The following SYCP2 variants were observed in gnomAD, a reference collection of about 807,000 sequenced individuals.
SYCP2 encodes synaptonemal complex protein 2.
Under a neutral mutation model 211.3 loss-of-function variants are expected in SYCP2, and 55 were observed. The observed-to-expected ratio is 0.26, with a 90% CI of 0.21 to 0.33. The LOEUF (loss-of-function observed/expected upper bound fraction) is 0.33. Among genes scored for constraint, SYCP2 ranks in the 10% least tolerant of loss-of-function variants. The probability of loss-of-function intolerance (pLI) is 1.00; values close to 1 mark genes in which losing one functional copy is unlikely to be tolerated. For synonymous variants in SYCP2, 570 were observed against 555.2 expected (o/e 1.03, Z -0.37); for missense variants, 1,731 against 1,752.0 (o/e 0.99, Z 0.21).
chr20:59,907,455 A>G, intron 14 of SYCP2, 31 bp from the exon 15 acceptor site: 1 of 1,565,342 alleles, frequency 6.4e-7, no homozygotes, highest in South Asian at 1.2e-5. Context: ...TTGGCCATAA[A>G]TAATTTATTT....
At chr20:59,904,882 G>T (rs1418053717) in intron 15 of SYCP2, among the ~76,000 whole-genome samples, 1 of 152,056 alleles carries the variant, frequency 6.6e-6, no homozygotes. Context: ...GCAAGAGAGG[G>T]AGCAAGAGAG....
At chr20:59,907,597 T>C (rs542324806) in intron 14 of SYCP2, among the ~76,000 whole-genome samples, 173 bp from the exon 15 acceptor site, 81 of 152,348 alleles carry the variant, frequency 5.3e-4, no homozygotes, top group African/African-American at 1.9e-3. Flanking sequence ...ACACATGTTA[T>C]ATTTAATGTA....
chr20:59,865,826 G>C lies in SYCP2; in HGVS notation c.4360C>G (p.Gln1454Glu), dbSNP rs2059321256. The change falls in exon 42 of 45, where the codon CAA (glutamine) becomes GAA (glutamate). Residue 1454 changes from glutamine to glutamate, a missense_variant. By Grantham distance (29) the Gln-to-Glu change is conservative. Around this residue, in one of 3 missense-constraint regions of SYCP2, gnomAD observed 1,387 missense variants for 1,351.3 expected, o/e 1.03. Coordinates refer to ENST00000357552, the MANE Select transcript of SYCP2 (RefSeq NM_014258.4). Reference sequence around the variant, plus strand: ...ACTAACCTCTGTTGTTCGCTTTTTTGATATGCACTGAACTTCTGAAATATC... The same window carrying C: ...ACTAACCTCTGTTGTTCGCTTTTTTCATATGCACTGAACTTCTGAAATATC... ...EKIFQKFSAY[Q>E]KSEQQRLHLL... The C allele has an allele frequency of 1.4e-6, 2 of 1,439,304 alleles. No homozygotes were observed. The highest frequency in any genetic ancestry group is 9.3e-7 in the Non-Finnish European group (1 of 1,075,974). 89.2% of individuals were successfully genotyped at this position (1,439,304 alleles called of 1,614,324 possible). A position where few individuals can be genotyped will look rare whatever the true frequency, so the allele number is the denominator to read the frequency against.
At chr20:59,915,643 T>G in intron 8 of SYCP2, 93 bp from the exon 9 acceptor site, 2 of 793,420 alleles carry the variant, frequency 2.5e-6, no homozygotes, top group Non-Finnish European at 4.2e-6. Context: ...GAAGCCTAAT[T>G]TTTTCTTAAT....
chr20:59,872,536 T>C (rs549024136), intron 35 of SYCP2, among the ~76,000 whole-genome samples: 3 of 152,182 alleles, frequency 2.0e-5, no homozygotes, highest in African/African-American at 4.8e-5. Flanking sequence ...TATTTATAAG[T>C]TAATGTTTAA....
rs753746370 is a variant in SYCP2 at position 59,864,271 on chromosome 20, GAAT to G, written c.*37_*39del. ...TCTTATTTCCTCAGTTATATACAGA[GAAT>G]AATAATTAGATAAAGTATGGTGATA... On this transcript the variant is annotated 3_prime_UTR_variant, in exon 45 of 45. Transcript: ENST00000357552. 1.2e-5 allele frequency: 16 copies of G among 1,352,496 alleles called. No homozygotes were observed. Among genetic ancestry groups the G allele is most frequent in the South Asian group, 7.6e-5 (6 of 78,898 alleles). The allele number at this position is 1,352,496 out of a possible 1,614,324, so 83.8% of individuals were successfully genotyped here. A position where few individuals can be genotyped will look rare whatever the true frequency, so the allele number is the denominator to read the frequency against.
intron 2 of SYCP2, among the ~76,000 whole-genome samples, chr20:59,924,210 T>C (rs2060592293): frequency 1.3e-5 from 2 of 151,984 alleles, no homozygotes; most frequent in Admixed American, 1.3e-4. Flanking sequence ...CCTATCTTCC[T>C]AGTCATTTCT....
chr20:59,881,129 C>A, intron 29 of SYCP2, 106 bp from the exon 30 acceptor site: 1 of 626,222 alleles, frequency 1.6e-6, no homozygotes, highest in South Asian at 2.5e-5. Context: ...AACTTTTTCA[C>A]TAATTAGCTA....
intron 21 of SYCP2, 78 bp downstream of exon 21, chr20:59,893,446 T>C: frequency 1.1e-6 from 1 of 905,614 alleles, no homozygotes; most frequent in Non-Finnish European, 1.7e-6. Flanking sequence ...TGAAAGCCAG[T>C]GGGGTTAAAT....
intron 33 of SYCP2, 97 bp downstream of exon 33, chr20:59,877,288 T>C: frequency 1.1e-6 from 1 of 878,884 alleles, no homozygotes; most frequent in Non-Finnish European, 1.6e-6. Flanking sequence ...AAGTTAACTC[T>C]TAAGAAGTAA....
chr20:59,893,334 A>C, intron 21 of SYCP2, 135 bp from the exon 22 acceptor site: 2 of 763,120 alleles, frequency 2.6e-6, no homozygotes, highest in South Asian at 3.8e-5. Flanking sequence ...CCTCTCTCTT[A>C]AACCCAAACT....
At chr20:59,868,750 A>C (rs2059396822) in intron 37 of SYCP2, 85 bp downstream of exon 37, 1 of 1,331,458 alleles carries the variant, frequency 7.5e-7, no homozygotes, top group South Asian at 1.4e-5. Flanking sequence ...TAACGGTATG[A>C]CTTAAAATAC....
chr20:59,898,182 C>T (rs146824248), intron 18 of SYCP2, among the ~76,000 whole-genome samples: 3 of 151,996 alleles, frequency 2.0e-5, no homozygotes, highest in Non-Finnish European at 2.9e-5. Context: ...GATCTAGAAC[C>T]AGAAATACCA....
Position 59,919,601 on chromosome 20 carries a change from A to G in SYCP2, c.298-4T>C, listed in dbSNP as rs749828439. ...ATTTTTCAAACCAGGCAACCATGTA[A>G]AAAAAGGAATGAACTTATTAGAGTT... is the stretch of plus-strand genomic sequence containing the variant. On this transcript the variant is annotated splice_polypyrimidine_tract_variant and splice_region_variant and intron_variant, in intron 5 of 44. Transcript: ENST00000357552. 2 of 1,575,132 alleles carry G rather than the reference A, an allele frequency of 1.3e-6. No homozygotes were observed.
intron 2 of SYCP2, among the ~76,000 whole-genome samples, chr20:59,930,054 T>G (rs1013810131): frequency 6.6e-6 from 1 of 152,128 alleles, no homozygotes; most frequent in African/African-American, 2.4e-5. Context: ...TCACTATCTC[T>G]TATTACTGAG....
intron 35 of SYCP2, among the ~76,000 whole-genome samples, chr20:59,871,887 G>A (rs1185784189): frequency 6.6e-6 from 1 of 151,972 alleles, no homozygotes; most frequent in Non-Finnish European, 1.5e-5. Flanking sequence ...GTCTGTGGTT[G>A]AATCCACAGA....
At chr20:59,891,259 C>A (rs866733193) in intron 24 of SYCP2, among the ~76,000 whole-genome samples, 1 of 151,884 alleles carries the variant, frequency 6.6e-6, no homozygotes, top group Non-Finnish European at 1.5e-5. Context: ...GCATTACCTG[C>A]AGTGGAAATG....
intron 15 of SYCP2, among the ~76,000 whole-genome samples, chr20:59,903,962 C>T (rs1442883756): frequency 1.3e-5 from 2 of 152,052 alleles, no homozygotes; most frequent in Non-Finnish European, 2.9e-5. Flanking sequence ...TGTCAGAGAG[C>T]TGTACATGTA....
intron 33 of SYCP2, 134 bp downstream of exon 33, chr20:59,877,251 A>T: frequency 2.8e-6 from 2 of 705,466 alleles, no homozygotes; most frequent in Non-Finnish European, 2.0e-6. Context: ...AATTTCTAGA[A>T]TTATTATTTA....
Sources: gnomAD v4.1 joint callset for allele counts (sites outside exome capture counted in the v4.1 genomes callset) on GRCh38, gnomAD v4.1.1 for gene constraint, gnomAD v4.1.1 regional missense constraint, MANE v1.5 for transcripts, NCBI Gene and HGNC (gene_info 2026-07-23, HGNC 2026-07-21) for gene names.